NEO1: variants seen among roughly 807,000 people sequenced by gnomAD.
NEO1 encodes the protein neogenin 1, also known as neogenin.
Under a neutral mutation model 159.7 loss-of-function variants are expected in NEO1, and 63 were observed. The ratio of observed to expected loss-of-function variants is 0.39; its 90% CI spans 0.32 to 0.49. The LOEUF (loss-of-function observed/expected upper bound fraction) is 0.49, where lower values mean the gene tolerates loss of function less well. NEO1 is among the 20% of genes least tolerant of loss of function. The pLI, the probability that NEO1 is intolerant of heterozygous loss-of-function variation, is 0.85. For missense variants in NEO1, 1,615 were observed against 1,831.0 expected (o/e 0.88, Z 2.15); for synonymous variants, 633 against 662.0 (o/e 0.96, Z 0.67).
chr15:73,266,005 T>C (rs183260137), intron 15 of NEO1, among the ~76,000 whole-genome samples: 1 of 152,056 alleles, frequency 6.6e-6, no homozygotes, highest in Non-Finnish European at 1.5e-5. Flanking sequence ...TTAAATCTTA[T>C]CTCTTCATTC....
At chr15:73,169,729 C>T (rs1006419904) in intron 5 of NEO1, among the ~76,000 whole-genome samples, 1 of 123,552 alleles carries the variant, frequency 8.1e-6, no homozygotes, top group Non-Finnish European at 1.6e-5. Flanking sequence ...AGCCTCAGTT[C>T]TTGCAGTTCT....
intron 7 of NEO1, among the ~76,000 whole-genome samples, chr15:73,179,710 G>A (rs370362085): frequency 3.9e-5 from 6 of 152,342 alleles, no homozygotes; most frequent in African/African-American, 1.4e-4. Context: ...CTGAGAGGCA[G>A]TAAATTGATA....
chr15:73,275,202 G>A (rs2041351742), intron 21 of NEO1, among the ~76,000 whole-genome samples: 4 of 151,452 alleles, frequency 2.6e-5, no homozygotes, highest in South Asian at 4.2e-4. Flanking sequence ...TTCCCACAAA[G>A]AATCCACAAA....
intron 7 of NEO1, among the ~76,000 whole-genome samples, chr15:73,191,056 G>T (rs1290937249): frequency 6.6e-6 from 1 of 152,016 alleles, no homozygotes; most frequent in African/African-American, 2.4e-5. Flanking sequence ...TATTGAAATA[G>T]ATATGTTGTT....
intron 7 of NEO1, among the ~76,000 whole-genome samples, chr15:73,217,735 A>AT (rs1183959848): frequency 4.0e-5 from 6 of 150,896 alleles, no homozygotes; most frequent in Non-Finnish European, 8.9e-5. Flanking sequence ...TCTGTTTGTT[A>AT]TTGGTGTATA....
intron 5 of NEO1, among the ~76,000 whole-genome samples, chr15:73,145,748 T>C (rs997545477): frequency 2.0e-5 from 3 of 152,208 alleles, no homozygotes; most frequent in African/African-American, 7.2e-5. Flanking sequence ...TTGACTTTCT[T>C]ATAAAAATTA....
Position 73,093,638 on chromosome 15 carries a change from C to CT in NEO1, c.131-22900dup, listed in dbSNP as rs1432276887. ...ACCCAGGCTGGAGTGCAGTGACATG[C>CT]TTACAGCTCACTGCAACCTCTGCCT... On this transcript the variant is annotated intron_variant, in intron 1 of 28. Transcript: ENST00000261908. Among the ~76,000 whole-genome samples, 8 of 151,442 alleles carry CT rather than the reference C, an allele frequency of 5.3e-5. No homozygotes were observed. In the East Asian group the frequency reaches 1.6e-3, roughly 30 times the overall value.
chr15:73,279,487 TA>T (rs2041591389), intron 22 of NEO1, among the ~76,000 whole-genome samples: 1 of 151,980 alleles, frequency 6.6e-6, no homozygotes, highest in Non-Finnish European at 1.5e-5. Flanking sequence ...TAGCTGGGAT[TA>T]CAAGCGCCTG....
At chr15:73,246,784 G>C (rs950806968) in intron 9 of NEO1, among the ~76,000 whole-genome samples, 13 of 152,218 alleles carry the variant, frequency 8.5e-5, no homozygotes, top group Non-Finnish European at 1.6e-4. Context: ...CCTTGGAAAG[G>C]ATCTGTAGTT....
intron 1 of NEO1, among the ~76,000 whole-genome samples, chr15:73,107,141 C>T (rs929860673): frequency 1.3e-5 from 2 of 152,146 alleles, no homozygotes; most frequent in African/African-American, 4.8e-5. Context: ...CTGCAAATGG[C>T]AGTGAGTAAA....
chr15:73,206,600 TG>T (rs1359280507), intron 7 of NEO1, among the ~76,000 whole-genome samples: 1 of 152,142 alleles, frequency 6.6e-6, no homozygotes, highest in Admixed American at 6.5e-5. Context: ...TTGTTGTTGT[TG>T]TTGTTTTGTT....
chr15:73,275,456 C>T (rs2041367549), intron 21 of NEO1, among the ~76,000 whole-genome samples: 1 of 151,978 alleles, frequency 6.6e-6, no homozygotes, highest in African/African-American at 2.4e-5. Context: ...TCAAGACTAG[C>T]CTGGGCAACA....
chr15:73,242,808 C>G (rs1431284901), intron 8 of NEO1, among the ~76,000 whole-genome samples: 2 of 152,182 alleles, frequency 1.3e-5, no homozygotes, highest in Non-Finnish European at 2.9e-5. Flanking sequence ...GTCTTATTGT[C>G]TCAGGAGTAG....
At chr15:73,163,825 C>G (rs548472928) in intron 5 of NEO1, among the ~76,000 whole-genome samples, 1 of 152,070 alleles carries the variant, frequency 6.6e-6, no homozygotes, top group Non-Finnish European at 1.5e-5. Context: ...TATTCCTGTT[C>G]ATGAAATCAT....
intron 13 of NEO1, among the ~76,000 whole-genome samples, chr15:73,257,237 A>G (rs1370305758): frequency 6.8e-6 from 1 of 147,582 alleles, no homozygotes; most frequent in Admixed American, 6.9e-5. Flanking sequence ...TGTATTTATT[A>G]TATACTAGGC....
intron 11 of NEO1, among the ~76,000 whole-genome samples, chr15:73,250,705 GAA>G (rs371223261): frequency 6.6e-6 from 1 of 150,662 alleles, no homozygotes; most frequent in Non-Finnish European, 1.5e-5. Flanking sequence ...TTTTGTGAAA[GAA>G]AAAAAAGGTT....
intron 1 of NEO1, among the ~76,000 whole-genome samples, chr15:73,115,941 AG>A (rs2071285542): frequency 6.6e-6 from 1 of 152,222 alleles, no homozygotes; most frequent in Non-Finnish European, 1.5e-5. Flanking sequence ...GGGATAAAAA[AG>A]ACCTAAGTAT....
At chr15:73,155,457 A>C (rs910720111) in intron 5 of NEO1, among the ~76,000 whole-genome samples, 1 of 151,994 alleles carries the variant, frequency 6.6e-6, no homozygotes, top group African/African-American at 2.4e-5. Flanking sequence ...TCCTTTTTGG[A>C]ATATATTTTC....
At chr15:73,212,955 A>G (rs1319133720) in intron 7 of NEO1, among the ~76,000 whole-genome samples, 1 of 152,222 alleles carries the variant, frequency 6.6e-6, no homozygotes, top group African/African-American at 2.4e-5. Flanking sequence ...TGTATATAAA[A>G]GTGTGTCATT....
Sources: gnomAD v4.1 joint callset for allele counts (sites outside exome capture counted in the v4.1 genomes callset) on GRCh38, gnomAD v4.1.1 for gene constraint, MANE v1.5 for transcripts, NCBI Gene and HGNC (gene_info 2026-07-23, HGNC 2026-07-21) for gene names.